Variants in EYS observed in about 807,000 individuals in gnomAD.
EYS encodes protein eyes shut homolog.
EYS carries 250 observed loss-of-function variants against 282.1 expected under a neutral mutation model. That is an observed-to-expected ratio of 0.89 (90% CI 0.80 to 0.98). EYS has a LOEUF of 0.98. Ranked by LOEUF, EYS falls within the 50% of genes least tolerant of loss-of-function variation. EYS has a pLI of 0.00. For synonymous variants in EYS, 1,355 were observed against 1,282.9 expected (o/e 1.06, Z -1.20); for missense variants, 4,016 against 3,709.0 (o/e 1.08, Z -2.15).
intron 9 of EYS, among the ~76,000 whole-genome samples, chr6:65,346,372 T>A (rs1770392710): frequency 6.7e-6 from 1 of 150,328 alleles, no homozygotes; most frequent in South Asian, 2.1e-4. Flanking sequence ...TATAACATTT[T>A]TAGAGAGAGA....
intron 13 of EYS, 33 bp downstream of exon 13, chr6:65,057,581 G>A (rs1561944060): frequency 1.6e-6 from 2 of 1,287,852 alleles, no homozygotes; most frequent in African/African-American, 1.5e-5. Context: ...AGTTAATTAT[G>A]TTTGCTTTTC....
At chr6:63,918,596 T>G (rs1764484983) in intron 35 of EYS, among the ~76,000 whole-genome samples, 1 of 152,096 alleles carries the variant, frequency 6.6e-6, no homozygotes, top group African/African-American at 2.4e-5. Context: ...TCATGCAGTA[T>G]CAGTAAAGAG....
At chr6:65,606,883 T>A in intron 2 of EYS, among the ~76,000 whole-genome samples, 1 of 2,224 alleles carries the variant, frequency 4.5e-4, no homozygotes, top group African/African-American at 4.0e-3. Context: ...TCTTCCAAAG[T>A]ATTTTTTTTT....
At chr6:64,248,292 T>C (rs1767085277) in intron 30 of EYS, among the ~76,000 whole-genome samples, 1 of 139,158 alleles carries the variant, frequency 7.2e-6, no homozygotes, top group East Asian at 2.5e-4. Flanking sequence ...CAAAGTGAAG[T>C]CATCAATGTC....
chr6:63,923,303 C>A (rs939648339), intron 35 of EYS, among the ~76,000 whole-genome samples: 4 of 151,836 alleles, frequency 2.6e-5, no homozygotes, highest in Admixed American at 2.6e-4. Context: ...TGCAAATATG[C>A]CATTTAAAAA....
intron 2 of EYS, among the ~76,000 whole-genome samples, chr6:65,590,709 T>A (rs1437632355): frequency 6.6e-6 from 1 of 152,060 alleles, no homozygotes; most frequent in African/African-American, 2.4e-5. Flanking sequence ...AGATTCCGTT[T>A]ATGAGATCAC....
intron 30 of EYS, among the ~76,000 whole-genome samples, chr6:64,302,270 A>G (rs1198735795): frequency 6.6e-6 from 1 of 152,164 alleles, no homozygotes; most frequent in Non-Finnish European, 1.5e-5. Flanking sequence ...GACTAGCTAA[A>G]CAAAGTATCC....
chr6:63,743,132 T>C (rs905181004), intron 41 of EYS, among the ~76,000 whole-genome samples: 1 of 152,200 alleles, frequency 6.6e-6, no homozygotes. Context: ...CCTGCCAGCA[T>C]TTGGCATTGT....
intron 2 of EYS, among the ~76,000 whole-genome samples, chr6:65,536,052 G>A (rs1410305423): frequency 2.0e-5 from 3 of 152,104 alleles, no homozygotes; most frequent in East Asian, 3.9e-4. Context: ...ATGTGGTGAC[G>A]TGATGATGAA....
chr6:64,690,243 A>G (rs4710484), intron 22 of EYS, among the ~76,000 whole-genome samples: 104,419 of 151,844 alleles, frequency 0.69, 36,970 homozygotes, highest in Non-Finnish European at 0.78. Context: ...ATCATCACTG[A>G]CCATCAGAGA....
At chr6:63,989,319 G>A (rs749600851) in intron 34 of EYS, among the ~76,000 whole-genome samples, 6 of 151,614 alleles carry the variant, frequency 4.0e-5, no homozygotes, top group Admixed American at 4.0e-4. Flanking sequence ...GATAAGAAAT[G>A]TTGGATAAAG....
intron 14 of EYS, among the ~76,000 whole-genome samples, chr6:64,983,871 G>C (rs1024958616): frequency 8.6e-5 from 13 of 151,140 alleles, no homozygotes; most frequent in African/African-American, 3.2e-4. Flanking sequence ...CCAGTCTTTG[G>C]CACAAGTTTA....
intron 12 of EYS, among the ~76,000 whole-genome samples, chr6:65,284,941 T>C (rs1768319630): frequency 6.6e-6 from 1 of 152,048 alleles, no homozygotes; most frequent in Non-Finnish European, 1.5e-5. Context: ...ATAAAAACAC[T>C]AAAATATCTT....
chr6:65,288,632 C>T (rs1470698209), intron 12 of EYS, among the ~76,000 whole-genome samples: 5 of 151,030 alleles, frequency 3.3e-5, no homozygotes, highest in Non-Finnish European at 7.4e-5. Flanking sequence ...AGTTACCATA[C>T]ATATGGCAAA....
At chr6:63,819,587 G>A (rs548717420) in intron 36 of EYS, among the ~76,000 whole-genome samples, 107 of 152,322 alleles carry the variant, frequency 7.0e-4, no homozygotes, top group African/African-American at 2.4e-3. Flanking sequence ...GGTTGGCCCA[G>A]TTGATGCTGC....
Position 64,958,532 on chromosome 6 carries a change from G to C in EYS, c.2260-12618C>G, listed in dbSNP as rs536591961. On this transcript the variant is annotated intron_variant, in intron 14 of 42. Transcript: ENST00000503581. ...GGAGGCCGAGGCGGGTGGATCACGA[G>C]GTCAGGAGATCGAGACCACGGTGAA... 2.0e-5 allele frequency among the ~76,000 whole-genome samples: 3 copies of C among 152,032 alleles called. No individual in the cohort carries two copies. In the East Asian group the frequency reaches 5.8e-4, roughly 29 times the overall value.
At chr6:64,146,710 C>T (rs1365487076) in intron 31 of EYS, among the ~76,000 whole-genome samples, 3 of 152,094 alleles carry the variant, frequency 2.0e-5, no homozygotes, top group African/African-American at 7.2e-5. Context: ...TAATTTCCCT[C>T]CACTCCAGCT....
At chr6:64,926,264 G>T (rs1464919708) in intron 15 of EYS, among the ~76,000 whole-genome samples, 1 of 152,252 alleles carries the variant, frequency 6.6e-6, no homozygotes, top group East Asian at 1.9e-4. Context: ...AGCCCCAGGG[G>T]CTTCTCCCCT....
intron 36 of EYS, among the ~76,000 whole-genome samples, chr6:63,862,045 C>T (rs1772548208): frequency 6.6e-6 from 1 of 152,196 alleles, no homozygotes; most frequent in Non-Finnish European, 1.5e-5. Context: ...TCCAAACCTT[C>T]TACCTGGATA....
Sources: allele counts gnomAD v4.1 joint callset (sites outside exome capture counted in the v4.1 genomes callset), GRCh38; gene constraint gnomAD v4.1.1; transcripts MANE v1.5; gene names NCBI Gene and HGNC (gene_info 2026-07-23, HGNC 2026-07-21).